Variants in WWOX observed in about 807,000 individuals in gnomAD.
The protein encoded by WWOX is WW domain containing oxidoreductase.
A neutral mutation model predicts 46.2 loss-of-function variants in WWOX; 69 were observed. The observed-to-expected ratio is 1.49, with a 90% CI of 1.23 to 1.82. The LOEUF is 1.82. Among genes scored for constraint, WWOX ranks in the 40% most tolerant of loss-of-function variants. The pLI is 0.00. For missense variants in WWOX, 919 were observed against 542.6 expected (o/e 1.69, Z -6.89); for synonymous variants, 359 against 202.6 (o/e 1.77, Z -6.56).
intron 8 of WWOX, among the ~76,000 whole-genome samples, chr16:78,921,859 G>A (rs749491813): frequency 1.3e-5 from 2 of 152,178 alleles, no homozygotes; most frequent in African/African-American, 4.8e-5. Flanking sequence ...ATATTTGCTA[G>A]AAGGACTTGT....
intron 8 of WWOX, among the ~76,000 whole-genome samples, chr16:78,658,805 G>A (rs760042503): frequency 6.6e-6 from 1 of 151,786 alleles, no homozygotes; most frequent in Non-Finnish European, 1.5e-5. Flanking sequence ...AAGATCACAT[G>A]CTAGGGCTGG....
At chr16:78,194,694 T>C (rs2035993088) in intron 5 of WWOX, among the ~76,000 whole-genome samples, 3 of 152,134 alleles carry the variant, frequency 2.0e-5, no homozygotes. Context: ...AGCAGCTGCT[T>C]CTTTTTGGGA....
At chr16:78,643,279 C>G (rs979804679) in intron 8 of WWOX, among the ~76,000 whole-genome samples, 4 of 152,132 alleles carry the variant, frequency 2.6e-5, no homozygotes, top group Admixed American at 2.6e-4. Context: ...TACCATGTGC[C>G]AAGCATAGTC....
At chr16:78,156,231 G>C (rs1323535899) in intron 4 of WWOX, among the ~76,000 whole-genome samples, 1 of 151,852 alleles carries the variant, frequency 6.6e-6, no homozygotes, top group Non-Finnish European at 1.5e-5. Context: ...TGTCAGATGT[G>C]CCCTTTCTGG....
At chr16:78,293,618 C>G (rs2079894163) in intron 5 of WWOX, among the ~76,000 whole-genome samples, 3 of 152,066 alleles carry the variant, frequency 2.0e-5, no homozygotes. Context: ...CCATTTCAGT[C>G]TGATCCGGTC....
intron 8 of WWOX, among the ~76,000 whole-genome samples, chr16:78,479,336 G>A (rs887849310): frequency 6.6e-6 from 1 of 152,214 alleles, no homozygotes; most frequent in African/African-American, 2.4e-5. Flanking sequence ...TAAAACATAT[G>A]CAAATAATTT....
chr16:78,862,449 G>C (rs969060661), intron 8 of WWOX, among the ~76,000 whole-genome samples: 1 of 151,634 alleles, frequency 6.6e-6, no homozygotes, highest in African/African-American at 2.4e-5. Flanking sequence ...TATATATATA[G>C]TATTCAATAT....
chr16:78,515,332 G>A (rs970299064), intron 8 of WWOX, among the ~76,000 whole-genome samples: 2 of 152,068 alleles, frequency 1.3e-5, no homozygotes, highest in Non-Finnish European at 2.9e-5. Context: ...GTGTGTGGAG[G>A]GAATTGAAGA....
chr16:78,233,524 AT>A (rs36007148), intron 5 of WWOX, among the ~76,000 whole-genome samples: 4,893 of 125,902 alleles, frequency 0.039, 94 homozygotes, highest in Non-Finnish European at 0.047. Flanking sequence ...TGATGATTAA[AT>A]TTTTTTTTTT....
intron 5 of WWOX, among the ~76,000 whole-genome samples, chr16:78,197,306 A>G (rs1411818205): frequency 6.6e-6 from 1 of 152,212 alleles, no homozygotes; most frequent in African/African-American, 2.4e-5. Flanking sequence ...CTAATACGAT[A>G]TTATACCAAG....
intron 8 of WWOX, among the ~76,000 whole-genome samples, chr16:78,657,529 A>G (rs552437870): frequency 1.3e-5 from 2 of 152,334 alleles, no homozygotes; most frequent in South Asian, 4.1e-4. Flanking sequence ...CAGCAGACCC[A>G]GAGTCTAACC....
At chr16:78,758,575 C>T (rs751904101) in intron 8 of WWOX, among the ~76,000 whole-genome samples, 1 of 152,196 alleles carries the variant, frequency 6.6e-6, no homozygotes, top group Non-Finnish European at 1.5e-5. Context: ...AGTGCTACCT[C>T]TGCATGGCAG....
intron 5 of WWOX, among the ~76,000 whole-genome samples, chr16:78,334,746 C>A (rs527975494): frequency 6.6e-6 from 1 of 150,556 alleles, no homozygotes; most frequent in East Asian, 2.0e-4. Flanking sequence ...GGAGAAATTT[C>A]CAAAGAATTA....
intron 8 of WWOX, among the ~76,000 whole-genome samples, chr16:78,615,369 C>G (rs1194165858): frequency 6.6e-6 from 1 of 152,136 alleles, no homozygotes; most frequent in Non-Finnish European, 1.5e-5. Flanking sequence ...GTTGTTGGGG[C>G]TGGGTGCAGC....
chr16:78,832,124 C>G (rs1373340704), intron 8 of WWOX, among the ~76,000 whole-genome samples: 1 of 152,160 alleles, frequency 6.6e-6, no homozygotes, highest in African/African-American at 2.4e-5. Flanking sequence ...AGCTCAGGGT[C>G]TTTTCTGAAG....
intron 8 of WWOX, among the ~76,000 whole-genome samples, chr16:79,122,751 C>G (rs1187932555): frequency 6.6e-6 from 1 of 152,152 alleles, no homozygotes; most frequent in African/African-American, 2.4e-5. Flanking sequence ...GTGAAAGGCC[C>G]AGATTTAGTT....
intron 8 of WWOX, among the ~76,000 whole-genome samples, chr16:78,485,019 C>G (rs1323220891): frequency 6.6e-6 from 1 of 152,012 alleles, no homozygotes; most frequent in African/African-American, 2.4e-5. Flanking sequence ...GATGAGGTTC[C>G]CTTAGAACCA....
chr16:78,940,988 C>G (rs1021782721), intron 8 of WWOX, among the ~76,000 whole-genome samples: 3 of 151,996 alleles, frequency 2.0e-5, no homozygotes, highest in Non-Finnish European at 2.9e-5. Context: ...CTTCTGGAAC[C>G]TGCATGGTGT....
At chr16:78,599,349 G>A (rs1191114907) in intron 8 of WWOX, among the ~76,000 whole-genome samples, 1 of 152,184 alleles carries the variant, frequency 6.6e-6, no homozygotes, top group East Asian at 1.9e-4. Context: ...TCCACCTTGG[G>A]CTTGAGACTC....
Sources: gnomAD v4.1 joint callset for allele counts (sites outside exome capture counted in the v4.1 genomes callset) on GRCh38, gnomAD v4.1.1 for gene constraint, MANE v1.5 for transcripts, NCBI Gene and HGNC (gene_info 2026-07-23, HGNC 2026-07-21) for gene names.